The following MSH3 variants were observed in gnomAD, a reference collection of about 807,000 sequenced individuals.
MSH3 encodes mutS homolog 3.
MSH3 carries 106 observed loss-of-function variants against 123.3 expected under a neutral mutation model. The ratio of observed to expected loss-of-function variants is 0.86; its 90% confidence interval spans 0.73 to 1.01. MSH3 has a LOEUF of 1.01. MSH3 is among the 50% of genes least tolerant of loss of function. The pLI is 0.00. For missense variants in MSH3, 1,459 were observed against 1,347.6 expected, an observed-to-expected ratio of 1.08 and a Z score of -1.29; for synonymous variants, 515 against 481.4, an observed-to-expected ratio of 1.07 and a Z score of -0.91.
chr5:80,735,410 G>A lies in MSH3; in HGVS notation c.1569-6054G>A, dbSNP rs13356140. On this transcript the variant is annotated intron_variant, in intron 10 of 23. Coordinates refer to ENST00000265081, the MANE Select transcript of MSH3 (RefSeq NM_002439.5). ...AAAAAAAAAAAAAAAAAAAAGTTGA[G>A]CACAGTGGCTCAACGCCTGTAATCC... is the stretch of plus-strand genomic sequence containing the variant. Among the ~76,000 whole-genome samples, 875 of 146,174 alleles carry A rather than the reference G, an allele frequency of 6.0e-3. 9 individuals are homozygous for A. The highest frequency in any genetic ancestry group is 0.021 in the African/African-American group (842 of 39,496).
intron 8 of MSH3, among the ~76,000 whole-genome samples, chr5:80,694,378 T>G (rs537660950): frequency 6.6e-6 from 1 of 152,230 alleles, no homozygotes; most frequent in Admixed American, 6.5e-5. Context: ...CTTGTGTCAT[T>G]GTTTTACCAG....
At position 80,792,776 on chromosome 5, in the gene MSH3, A is replaced by C. The variant is rs2112026729; in HGVS notation, c.2587A>C (p.Arg863=). Residue 863 remains arginine, a synonymous_variant, in exon 19 of 24, where the codon AGG becomes CGG. Coordinates refer to ENST00000265081, the MANE Select transcript of MSH3 (RefSeq NM_002439.5). Reference sequence around the variant, plus strand: ...AAGAAAAATTGTAATAAAAAATGGAAGGCACCCTGTGATTGATGTGTTGCT... The same window carrying C: ...AAGAAAAATTGTAATAAAAAATGGACGGCACCCTGTGATTGATGTGTTGCT... ...EERKIVIKNG[R]HPVIDVLLGE... is the part of the protein sequence containing the mutation. 1 of 1,613,534 alleles carries C rather than the reference A, an allele frequency of 6.2e-7. No homozygotes were observed. Among genetic ancestry groups the C allele is most frequent in the South Asian group, 1.1e-5 (1 of 91,034 alleles).
At position 80,855,177 on chromosome 5, in the gene MSH3, C is replaced by G. The variant is rs527896175; in HGVS notation, c.3000+861C>G. Reference sequence around the variant, plus strand: ...CTTTCTCTATCTTGTTCATTTTGGTCTCTGCTTTTCAAATCTCCCCTTCAT... The same window carrying G: ...CTTTCTCTATCTTGTTCATTTTGGTGTCTGCTTTTCAAATCTCCCCTTCAT... On this transcript the variant is annotated intron_variant, in intron 21 of 23. Coordinates refer to ENST00000265081, the MANE Select transcript of MSH3 (RefSeq NM_002439.5). Among the ~76,000 whole-genome samples the G allele has an allele frequency of 2.6e-5, 4 of 151,982 alleles. No homozygotes were observed. The East Asian group carries it at 7.7e-4, about 29-fold the overall frequency.
chr5:80,791,613 T>C (rs1214935057), intron 18 of MSH3, among the ~76,000 whole-genome samples: 1 of 152,218 alleles, frequency 6.6e-6, no homozygotes, highest in African/African-American at 2.4e-5. Context: ...TGATTTTTTT[T>C]ACTATCCCCT....
intron 3 of MSH3, among the ~76,000 whole-genome samples, chr5:80,665,572 TG>T (rs1341535384): frequency 1.3e-5 from 2 of 152,140 alleles, no homozygotes; most frequent in Admixed American, 1.3e-4. Flanking sequence ...TTGGTTTGTA[TG>T]GGAACAAAAC....
chr5:80,782,410 T>A (rs1744427363), intron 17 of MSH3, among the ~76,000 whole-genome samples: 4 of 152,174 alleles, frequency 2.6e-5, no homozygotes, highest in Non-Finnish European at 4.4e-5. Flanking sequence ...GCTATTTATT[T>A]ATAGCATTTA....
At chr5:80,802,256 T>C (rs1294590595) in intron 19 of MSH3, among the ~76,000 whole-genome samples, 1 of 152,036 alleles carries the variant, frequency 6.6e-6, no homozygotes, top group Non-Finnish European at 1.5e-5. Context: ...AACATGAATA[T>C]TTTCCTATAT....
At chr5:80,768,363 A>G (rs922606028) in intron 14 of MSH3, among the ~76,000 whole-genome samples, 4 of 152,148 alleles carry the variant, frequency 2.6e-5, no homozygotes, top group African/African-American at 9.6e-5. Flanking sequence ...CAGATGATGG[A>G]AAGGTAAAAC....
At chr5:80,809,687 T>G (rs1398664676) in intron 19 of MSH3, among the ~76,000 whole-genome samples, 1 of 152,166 alleles carries the variant, frequency 6.6e-6, no homozygotes, top group Non-Finnish European at 1.5e-5. Context: ...TCTCTGGCAT[T>G]GCATTCTTAC....
At chr5:80,679,446 G>A (rs1749920005) in intron 8 of MSH3, among the ~76,000 whole-genome samples, 1 of 152,074 alleles carries the variant, frequency 6.6e-6, no homozygotes, top group African/African-American at 2.4e-5. Context: ...TTTTTGAAGA[G>A]GTTTCTGATA....
intron 10 of MSH3, among the ~76,000 whole-genome samples, chr5:80,737,420 A>G (rs2112864059): frequency 6.6e-6 from 1 of 152,280 alleles, no homozygotes; most frequent in Middle Eastern, 3.4e-3. Context: ...TATTGAGGGA[A>G]AAAAAGCATC....
chr5:80,725,329 C>A, intron 8 of MSH3, 124 bp from the exon 9 acceptor site: 2 of 659,632 alleles, frequency 3.0e-6, no homozygotes, highest in Admixed American at 2.8e-5. Context: ...TCTCTTTCTT[C>A]AACTTGGGAA....
Position 80,654,885 on chromosome 5 carries a change from CG to C in MSH3, c.160del (p.Ala54LeufsTer26), listed in dbSNP as rs1187699456. 1.3e-5 allele frequency: 11 copies of C among 851,894 alleles called. No individual in the cohort carries two copies. Among genetic ancestry groups the C allele is most frequent in the Middle Eastern group, 5.0e-4 (1 of 1,998 alleles). The allele number at this position is 851,894 out of a possible 1,614,324, so 52.8% of individuals were successfully genotyped here. On this transcript the variant is annotated frameshift_variant, in exon 1 of 24. Coordinates refer to ENST00000265081, the MANE Select transcript of MSH3 (RefSeq NM_002439.5). LOFTEE classifies it high-confidence loss of function. ...GACCAGGTGGACCCTGGCGCTGCAG[CG>C]GCTGCAGCGGCCGCAGCGGCCGCAG... is the stretch of plus-strand genomic sequence containing the variant. The part of the protein sequence containing the change: ...AADQVDPGAA[A>X]AAAAAAAAAP...
In MSH3 at chr5:80,654,880, T is replaced by TGCAGCGGCC. The variant is rs755000466; in HGVS notation, c.161_162insCGCAGCGGC (p.Ala60_Ala62dup). On this transcript the variant is annotated inframe_insertion, in exon 1 of 24. Coordinates refer to ENST00000265081, the MANE Select transcript of MSH3 (RefSeq NM_002439.5). ...CAGCCGACCAGGTGGACCCTGGCGC[T>TGCAGCGGCC]GCAGCGGCTGCAGCGGCCGCAGCGG... 4.9e-5 allele frequency: 75 copies of TGCAGCGGCC among 1,538,776 alleles called. No homozygotes were observed. In the Middle Eastern group the frequency reaches 5.1e-4, roughly 11 times the overall value.
rs6151820 is a variant in MSH3, at chr5:80,778,116, A to G, written c.2319-604A>G. Among the ~76,000 whole-genome samples the G allele has an allele frequency of 8.8e-3, 1,336 of 152,264 alleles. 7 individuals are homozygous for G. The highest frequency in any genetic ancestry group is 0.045 in the Middle Eastern group (13 of 292). On this transcript the variant is annotated intron_variant, in intron 16 of 23. Transcript: ENST00000265081. Reference sequence around the variant, plus strand: ...CCCATGGCATCCCCTGTTGTGCTCTAGCTACTGAACAGAGAGCAGAGATGA... The same window carrying G: ...CCCATGGCATCCCCTGTTGTGCTCTGGCTACTGAACAGAGAGCAGAGATGA...
intron 19 of MSH3, among the ~76,000 whole-genome samples, chr5:80,802,721 C>T (rs900180155): frequency 2.6e-5 from 4 of 152,146 alleles, no homozygotes; most frequent in Non-Finnish European, 5.9e-5. Flanking sequence ...TTCTTCACCC[C>T]TACTACCCTT....
intron 12 of MSH3, chr5:80,746,398 T>A: frequency 2.3e-6 from 1 of 426,984 alleles, no homozygotes; most frequent in Non-Finnish European, 4.7e-6. Flanking sequence ...TTCAGTAAAG[T>A]CATTTTTGAT....
rs980294834 is a variant in MSH3 at position 80,666,592 on chromosome 5, A to G, written c.579+1229A>G. Among the ~76,000 whole-genome samples, 15 of 152,358 alleles carry G rather than the reference A, an allele frequency of 9.8e-5. No homozygotes were observed. In the South Asian group the frequency reaches 2.7e-3, roughly 27 times the overall value. On this transcript the variant is annotated intron_variant, in intron 3 of 23. Transcript: ENST00000265081. ...CATTAAAGCTCACTTTATTGATAGGAGCATTTACTCCAAGGTCTCAGAAGA... is the reference window on the plus strand; with the variant it reads ...CATTAAAGCTCACTTTATTGATAGGGGCATTTACTCCAAGGTCTCAGAAGA...
chr5:80,827,301 C>T (rs912254675), intron 20 of MSH3, among the ~76,000 whole-genome samples: 1 of 152,188 alleles, frequency 6.6e-6, no homozygotes, highest in Non-Finnish European at 1.5e-5. Flanking sequence ...TGCCATGCTA[C>T]TTACACAAAC....
Sources: allele counts gnomAD v4.1 joint callset (sites outside exome capture counted in the v4.1 genomes callset), GRCh38; gene constraint gnomAD v4.1.1; transcripts MANE v1.5; gene names NCBI Gene and HGNC (gene_info 2026-07-23, HGNC 2026-07-21).